The following PCDHA4 variants were observed in gnomAD, a reference collection of about 807,000 sequenced individuals.
PCDHA4 encodes the protein protocadherin alpha-4.
PCDHA4 carries 49 observed loss-of-function variants against 61.4 expected under a neutral mutation model. The observed-to-expected ratio is 0.80, with a 90% CI of 0.63 to 1.01. PCDHA4 has a LOEUF of 1.01. Among genes scored for constraint, PCDHA4 ranks in the 50% least tolerant of loss-of-function variants. PCDHA4 has a pLI of 0.00. For missense variants in PCDHA4, 1,254 were observed against 1,235.8 expected, an observed-to-expected ratio of 1.01 and a Z score of -0.22; for synonymous variants, 590 against 550.3, an observed-to-expected ratio of 1.07 and a Z score of -1.01.
At chr5:140,830,283 C>G (rs2150184279) in intron 1 of PCDHA4, 3 of 1,613,760 alleles carry the variant, frequency 1.9e-6, no homozygotes, top group East Asian at 2.2e-5. Context: ...ACCGAGGGCG[C>G]GTGCACGGCG....
chr5:140,853,754 A>C, intron 1 of PCDHA4: 1 of 988,728 alleles, frequency 1.0e-6, no homozygotes, highest in Non-Finnish European at 1.2e-6. Flanking sequence ...TCAAGGCTCC[A>C]CCTCAGAAAT....
At chr5:140,922,661 T>C (rs1255153267) in intron 1 of PCDHA4, among the ~76,000 whole-genome samples, 2 of 152,156 alleles carry the variant, frequency 1.3e-5, no homozygotes, top group African/African-American at 4.8e-5. Context: ...ATGGCTATAC[T>C]GCAAGCAGTA....
intron 1 of PCDHA4, chr5:140,823,237 C>T: frequency 6.2e-7 from 1 of 1,613,560 alleles, no homozygotes; most frequent in Non-Finnish European, 8.5e-7. Flanking sequence ...GGAGAACGCC[C>T]TGGTGTCCTA....
intron 1 of PCDHA4, among the ~76,000 whole-genome samples, chr5:140,904,227 C>T (rs1373458999): frequency 5.9e-5 from 9 of 151,978 alleles, no homozygotes; most frequent in African/African-American, 2.2e-4. Context: ...TTGTATTATA[C>T]TTATGCCTTT....
chr5:140,928,168 A>T, intron 1 of PCDHA4: 3 of 1,614,174 alleles, frequency 1.9e-6, no homozygotes, highest in Non-Finnish European at 2.5e-6. Flanking sequence ...ACCCCCACTT[A>T]GCACCCGAAG....
intron 1 of PCDHA4, chr5:140,884,324 G>T (rs782624216): frequency 1.2e-6 from 2 of 1,613,840 alleles, no homozygotes; most frequent in Non-Finnish European, 1.7e-6. Context: ...GTCGGCAGGC[G>T]CTGTGGGTCC....
At chr5:140,941,167 A>G (rs1352007891) in intron 1 of PCDHA4, among the ~76,000 whole-genome samples, 2 of 144,982 alleles carry the variant, frequency 1.4e-5, no homozygotes, top group Non-Finnish European at 3.1e-5. Flanking sequence ...AAGACTCCCC[A>G]TCTTGAACAT....
At chr5:140,982,592 C>G (rs376230429) in intron 3 of PCDHA4, 29 bp downstream of exon 3, 3 of 1,610,372 alleles carry the variant, frequency 1.9e-6, no homozygotes, top group Non-Finnish European at 2.5e-6. Flanking sequence ...TCCATTCTTT[C>G]TTGGTTTCTG....
chr5:140,846,373 CTT>C (rs374699051), intron 1 of PCDHA4, among the ~76,000 whole-genome samples: 1,689 of 55,008 alleles, frequency 0.031, 26 homozygotes, highest in African/African-American at 0.077. Context: ...TTCTTTCTTT[CTT>C]TTTTTTTTTT....
rs942533344 is a variant in PCDHA4, at chr5:140,870,223, T to A, written c.2385+60651T>A. The A allele has an allele frequency of 3.4e-5, 55 of 1,614,052 alleles. No homozygotes were observed. The highest frequency in any genetic ancestry group is 4.5e-5 in the Non-Finnish European group (53 of 1,180,044). On this transcript the variant is annotated intron_variant, in intron 1 of 3. Coordinates refer to ENST00000530339, the MANE Select transcript of PCDHA4 (RefSeq NM_018907.4). ...CACGGTCATTGCCCTGATCAGCGTG[T>A]CTGACCGTGACTCAGGTGTCAACGG...
chr5:140,953,641 G>A (rs246029), intron 1 of PCDHA4, among the ~76,000 whole-genome samples: 85,647 of 151,972 alleles, frequency 0.56, 24,761 homozygotes, highest in African/African-American at 0.69. Context: ...TTTTGGCCAG[G>A]AGCTATAGTT....
intron 1 of PCDHA4, chr5:140,871,263 G>T: frequency 6.2e-7 from 1 of 1,614,010 alleles, no homozygotes; most frequent in South Asian, 1.1e-5. Flanking sequence ...ATACGGCGCT[G>T]TGGTGGTCGG....
intron 1 of PCDHA4, among the ~76,000 whole-genome samples, chr5:140,978,222 G>C (rs997273847): frequency 6.6e-6 from 1 of 152,180 alleles, no homozygotes; most frequent in South Asian, 2.1e-4. Flanking sequence ...AATGTATCAG[G>C]TTTTTCTTGG....
At chr5:140,984,784 A>G (rs1022121650) in intron 3 of PCDHA4, among the ~76,000 whole-genome samples, 4 of 152,168 alleles carry the variant, frequency 2.6e-5, no homozygotes, top group Non-Finnish European at 4.4e-5. Context: ...TTGCTGGGTG[A>G]GCATAGACAA....
At chr5:140,863,299 G>A (rs868935823) in intron 1 of PCDHA4, 1 of 1,462,780 alleles carries the variant, frequency 6.8e-7, no homozygotes, top group Admixed American at 1.8e-5. Context: ...CCTGATCATC[G>A]CCATCTGCGT....
At chr5:141,001,885 A>C (rs1462586962) in intron 3 of PCDHA4, among the ~76,000 whole-genome samples, 2 of 152,228 alleles carry the variant, frequency 1.3e-5, no homozygotes, top group African/African-American at 2.4e-5. Context: ...GAAGGAGCAA[A>C]GAAATCGGGG....
At chr5:140,856,729 G>A (rs1554149028) in intron 1 of PCDHA4, 1 of 1,595,444 alleles carries the variant, frequency 6.3e-7, no homozygotes, top group African/African-American at 1.3e-5. Flanking sequence ...CTGTTTCTCT[G>A]CTGATCCTGG....
At position 140,832,519 on chromosome 5, in the gene PCDHA4, T is replaced by A. The variant is rs114374646; in HGVS notation, c.2385+22947T>A. 4.8e-3 allele frequency among the ~76,000 whole-genome samples: 727 copies of A among 152,336 alleles called. 10 individuals are homozygous for A. The highest frequency in any genetic ancestry group is 0.017 in the African/African-American group (702 of 41,586). ...GTGGCAGAATTGTCTCTGATTATAC[T>A]GAAGATCACCATTTGTGTAGCTAAT... is the stretch of plus-strand genomic sequence containing the variant. On this transcript the variant is annotated intron_variant, in intron 1 of 3. Coordinates refer to ENST00000530339, the MANE Select transcript of PCDHA4 (RefSeq NM_018907.4).
chr5:140,852,228 A>G, intron 1 of PCDHA4: 1 of 612,592 alleles, frequency 1.6e-6, no homozygotes, highest in Non-Finnish European at 2.1e-6. Context: ...TAATTTTTAA[A>G]TTTTCCCTTA....
Sources: gnomAD v4.1 joint callset for allele counts (sites outside exome capture counted in the v4.1 genomes callset) on GRCh38, gnomAD v4.1.1 for gene constraint, MANE v1.5 for transcripts, NCBI Gene and HGNC (gene_info 2026-07-23, HGNC 2026-07-21) for gene names.